CPA5: variants seen among roughly 807,000 people sequenced by gnomAD.
CPA5 encodes carboxypeptidase A5, also known as testicular tissue protein Li 32.
CPA5 carries 38 observed loss-of-function variants against 52.2 expected under a neutral mutation model. The ratio of observed to expected loss-of-function variants is 0.73; its 90% CI spans 0.56 to 0.95. The LOEUF (loss-of-function observed/expected upper bound fraction) is 0.95, where lower values mean the gene tolerates loss of function less well. Ranked by LOEUF, CPA5 falls within the 40% of genes least tolerant of loss-of-function variation. CPA5 has a pLI of 0.00. For missense variants in CPA5, 519 were observed against 566.7 expected (o/e 0.92, Z 0.86); for synonymous variants, 198 against 213.7 (o/e 0.93, Z 0.64).
chr7:130,369,739 C>T (rs1409709787), downstream of CPA5, among the ~76,000 whole-genome samples: 1 of 151,916 alleles, frequency 6.6e-6, no homozygotes, highest in Admixed American at 6.6e-5. Flanking sequence ...CTGGAGGGCA[C>T]GGAGACAGGG....
intron 5 of CPA5, among the ~76,000 whole-genome samples, chr7:130,354,275 CCT>C (rs1795348092): frequency 6.6e-6 from 1 of 152,176 alleles, no homozygotes; most frequent in South Asian, 2.1e-4. Context: ...TCTCCAACTT[CCT>C]CTTTCTTTCC....
At chr7:130,346,722 T>A in intron 3 of CPA5, 121 bp downstream of exon 3, 3 of 733,738 alleles carry the variant, frequency 4.1e-6, no homozygotes, top group Non-Finnish European at 6.8e-6. Flanking sequence ...TGTGGGTTCC[T>A]GTCCTGAACC....
rs552711376 is a variant in CPA5 at position 130,345,905 on chromosome 7, G to A, written c.-94+9G>A. On this transcript the variant is annotated intron_variant, in intron 2 of 12. Transcript: ENST00000474905. ...CCTTCAAACCCTGTGAGGTAGGGAGGGGAGGTATGATTAACCCCATTTGAT... is the reference window on the plus strand; with the variant it reads ...CCTTCAAACCCTGTGAGGTAGGGAGAGGAGGTATGATTAACCCCATTTGAT... 1 of 152,334 alleles carries A rather than the reference G, an allele frequency of 6.6e-6. No individual in the cohort carries two copies. Among genetic ancestry groups the A allele is most frequent in the Non-Finnish European group, 1.5e-5 (1 of 68,024 alleles). 9.4% of individuals were successfully genotyped at this position (152,334 alleles called of 1,614,324 possible).
At chr7:130,358,847 G>A (rs1237432743) in intron 5 of CPA5, among the ~76,000 whole-genome samples, 2 of 152,188 alleles carry the variant, frequency 1.3e-5, no homozygotes, top group Non-Finnish European at 2.9e-5. Flanking sequence ...GCATTATACT[G>A]CCCTCTGTAT....
At chr7:130,373,877 C>T in the CPA5 span, among the ~76,000 whole-genome samples, 1 of 152,250 alleles carries the variant, frequency 6.6e-6, no homozygotes, top group African/African-American at 2.4e-5. Context: ...ACGGGCAAGC[C>T]AGACCGGATT....
At chr7:130,368,232 A>G (rs1796209582) in intron 12 of CPA5, among the ~76,000 whole-genome samples, 178 bp from the exon 13 acceptor site, 1 of 152,160 alleles carries the variant, frequency 6.6e-6, no homozygotes, top group Non-Finnish European at 1.5e-5. Context: ...AGGAGTAGAG[A>G]ATGGGCTGGG....
intron 5 of CPA5, 42 bp downstream of exon 5, chr7:130,350,151 T>A (rs782418633): frequency 4.0e-5 from 63 of 1,587,334 alleles, no homozygotes; most frequent in Non-Finnish European, 5.2e-5. Context: ...TCCGCCTTCC[T>A]TTCTGGTTGG....
At chr7:130,367,693 C>T (rs1796175339) in intron 11 of CPA5, 122 bp downstream of exon 11, 2 of 1,041,464 alleles carry the variant, frequency 1.9e-6, no homozygotes, top group South Asian at 2.8e-5. Context: ...TGATTGACCC[C>T]ATGGTGCGGG....
At chr7:130,361,347 G>A (rs1463995781) in intron 7 of CPA5, 103 bp downstream of exon 7, 6 of 796,466 alleles carry the variant, frequency 7.5e-6, no homozygotes, top group Non-Finnish European at 1.3e-5. Flanking sequence ...TGCGGAGAAG[G>A]ACAATTTGTC....
intron 10 of CPA5, 96 bp from the exon 11 acceptor site, chr7:130,367,276 G>T: frequency 1.9e-6 from 2 of 1,070,748 alleles, no homozygotes; most frequent in Non-Finnish European, 2.8e-6. Flanking sequence ...TGCAAAGGAG[G>T]CTGGGAAATG....
At chr7:130,369,266 A>C (rs1796262888), downstream of CPA5, among the ~76,000 whole-genome samples, 1 of 150,906 alleles carries the variant, frequency 6.6e-6, no homozygotes, top group Non-Finnish European at 1.5e-5. Context: ...CAGGAAGAAG[A>C]GCTTCTCATC....
chr7:130,349,871 G>A (rs1795020158), intron 4 of CPA5, 104 bp from the exon 5 acceptor site: 2 of 1,322,478 alleles, frequency 1.5e-6, no homozygotes, highest in Non-Finnish European at 2.1e-6. Flanking sequence ...GTAGAAAGAG[G>A]GTCTCTACTG....
rs1554408918 is a variant in CPA5 at position 130,367,586 on chromosome 7, T to C, written c.1038+15T>C. 6.2e-7 allele frequency: 1 copy of C among 1,610,024 alleles called. No homozygotes were observed. Among genetic ancestry groups the C allele is most frequent in the South Asian group, 1.1e-5 (1 of 90,924 alleles). ...AGAGGGAGTTGGTGAGACTGGCTGC[T>C]TAGGGCCTGGGGAGAAGAGACCGCT... On this transcript the variant is annotated intron_variant, in intron 11 of 12. Transcript: ENST00000474905.
chr7:130,345,150 C>T lies in CPA5; in HGVS notation c.-207C>T, dbSNP rs10226437. On this transcript the variant is annotated 5_prime_UTR_variant, in exon 1 of 13. Transcript: ENST00000474905. ...TTTGAGAGTCCCTGAAGCCAGGATACTAGAAGAGTCTGGCTTGTCTGAACA... is the reference window on the plus strand; with the variant it reads ...TTTGAGAGTCCCTGAAGCCAGGATATTAGAAGAGTCTGGCTTGTCTGAACA... 0.52 allele frequency: 79,406 copies of T among 151,966 alleles called. 21,057 individuals are homozygous for T. Among genetic ancestry groups the T allele is most frequent in the African/African-American group, 0.6 (24,738 of 41,438 alleles). 9.4% of individuals were successfully genotyped at this position (151,966 alleles called of 1,614,324 possible). A position where few individuals can be genotyped will look rare whatever the true frequency, so the allele number is the denominator to read the frequency against.
At chr7:130,362,863 C>T (rs1795869304) in intron 8 of CPA5, 21 bp from the exon 9 acceptor site, 1 of 1,535,890 alleles carries the variant, frequency 6.5e-7, no homozygotes, top group Non-Finnish European at 9.0e-7. Flanking sequence ...GCCTCCCATC[C>T]CTCCTCACTC....
intron 7 of CPA5, among the ~76,000 whole-genome samples, 169 bp from the exon 8 acceptor site, chr7:130,362,269 C>T (rs1289293879): frequency 5.3e-5 from 8 of 152,208 alleles, no homozygotes; most frequent in Non-Finnish European, 1.0e-4. Flanking sequence ...GGCCCTCACA[C>T]GTGTGCACTT....
intron 10 of CPA5, among the ~76,000 whole-genome samples, chr7:130,364,772 C>A (rs1162326710): frequency 6.6e-6 from 1 of 152,216 alleles, no homozygotes; most frequent in Non-Finnish European, 1.5e-5. Flanking sequence ...TCCTGAGTTC[C>A]TTGGTGTTCT....
chr7:130,365,675 G>A (rs1441405578), intron 10 of CPA5, among the ~76,000 whole-genome samples: 2 of 152,378 alleles, frequency 1.3e-5, no homozygotes, highest in Non-Finnish European at 1.5e-5. Context: ...GGGAAGATTA[G>A]TTTATTCTGC....
rs916918569 is a variant in CPA5, at chr7:130,366,044, G to A, written c.839-1328G>A. Among the ~76,000 whole-genome samples, 3 of 152,202 alleles carry A rather than the reference G, an allele frequency of 2.0e-5. No individual in the cohort carries two copies. In the East Asian group the frequency reaches 5.8e-4, roughly 29 times the overall value. ...CTGGGCCTCCCTGGGGCCAGCAAGAGTGTGTGTCTGGGTTGGTGACTCAGG... is the reference window on the plus strand; with the variant it reads ...CTGGGCCTCCCTGGGGCCAGCAAGAATGTGTGTCTGGGTTGGTGACTCAGG... On this transcript the variant is annotated intron_variant, in intron 10 of 12. Coordinates refer to ENST00000474905, the MANE Select transcript of CPA5 (RefSeq NM_080385.5).
Sources: allele counts gnomAD v4.1 joint callset (sites outside exome capture counted in the v4.1 genomes callset), GRCh38; gene constraint gnomAD v4.1.1; transcripts MANE v1.5; gene names NCBI Gene and HGNC (gene_info 2026-07-23, HGNC 2026-07-21).